Variants in POLR2M observed in about 807,000 individuals in gnomAD.
POLR2M encodes protein GRINL1A.
Under a neutral mutation model 34.6 loss-of-function variants are expected in POLR2M, and 30 were observed. The observed-to-expected ratio is 0.87, with a 90% CI of 0.65 to 1.18. The LOEUF (loss-of-function observed/expected upper bound fraction) is 1.18. Ranked by LOEUF, POLR2M falls within the 50% of genes most tolerant of loss-of-function variation. The pLI is 0.00. For synonymous variants in POLR2M, 150 were observed against 166.7 expected, an observed-to-expected ratio of 0.90 and a Z score of 0.77; for missense variants, 432 against 448.7, an observed-to-expected ratio of 0.96 and a Z score of 0.34.
Position 57,712,102 on chromosome 15 carries a change from C to T in POLR2M, c.877C>T (p.Leu293Phe). Residue 293 changes from leucine to phenylalanine, a missense_variant, in exon 3 of 4, where the codon CTT becomes TTT. Transcript: ENST00000299638. ...QHLDDITAAR[L>F]LPLHHMPTQL... ...TCTTGATGACATCACAGCAGCTCGG[C>T]TTCTACCACTTCACCATATGCCCAC... 1 of 1,614,216 alleles carries T rather than the reference C, an allele frequency of 6.2e-7. No homozygotes were observed. Among genetic ancestry groups the T allele is most frequent in the Non-Finnish European group, 8.5e-7 (1 of 1,180,040 alleles).
Position 57,712,017 on chromosome 15 carries a change from T to C in POLR2M, c.792T>C (p.His264=), listed in dbSNP as rs2040741293. 6.2e-7 allele frequency: 1 copy of C among 1,613,928 alleles called. No homozygotes were observed. The highest frequency in any genetic ancestry group is 1.3e-5 in the African/African-American group (1 of 74,928). Residue 264 remains histidine, a synonymous_variant, in exon 3 of 4, where the codon CAT becomes CAC. Coordinates refer to ENST00000299638, the MANE Select transcript of POLR2M (RefSeq NM_015532.5). ...LPFRQNDSSS[H]CQKSGSPISS... Reference sequence around the variant, plus strand: ...TTCGACAAAATGATTCATCTAGTCATTGCCAGAAGAGTGGGTCTCCTATTT... The same window carrying C: ...TTCGACAAAATGATTCATCTAGTCACTGCCAGAAGAGTGGGTCTCCTATTT...
intron 1 of POLR2M, chr15:57,707,522 A>G (rs1414929467): frequency 6.3e-6 from 3 of 476,488 alleles, no homozygotes; most frequent in South Asian, 3.1e-5. Context: ...AAAAAGCAGA[A>G]GACAGTAGAA....
Position 57,715,696 on chromosome 15 carries a change from A to G in POLR2M, c.*1017A>G, listed in dbSNP as rs1362772578. ...TATATAAACGTTCATGTCATTTTAG[A>G]GGATTATATGGTTGTCTCCAGAGAA... On this transcript the variant is annotated 3_prime_UTR_variant, in exon 4 of 4. Transcript: ENST00000299638. 6.6e-6 allele frequency: 1 copy of G among 152,184 alleles called. No homozygotes were observed. The highest frequency in any genetic ancestry group is 1.5e-5 in the Non-Finnish European group (1 of 68,042). The allele number at this position is 152,184 out of a possible 1,614,324, so 9.4% of individuals were successfully genotyped here. A position where few individuals can be genotyped will look rare whatever the true frequency, so the allele number is the denominator to read the frequency against.
At chr15:57,712,390 A>G (rs1426682555) in intron 3 of POLR2M, among the ~76,000 whole-genome samples, 1 of 152,212 alleles carries the variant, frequency 6.6e-6, no homozygotes, top group Non-Finnish European at 1.5e-5. Flanking sequence ...GCTACCTTCA[A>G]CATTAAAGTG....
chr15:57,708,187 A>T (rs1337594303), intron 1 of POLR2M, among the ~76,000 whole-genome samples: 1 of 152,246 alleles, frequency 6.6e-6, no homozygotes, highest in Non-Finnish European at 1.5e-5. Flanking sequence ...ACTTATCAGA[A>T]ATACGTCTGA....
At position 57,716,526 on chromosome 15, in the gene POLR2M, T is replaced by A. The variant is rs1476617915; in HGVS notation, c.*1847T>A. The A allele has an allele frequency of 1.3e-5, 2 of 152,412 alleles. No individual in the cohort carries two copies. Among genetic ancestry groups the A allele is most frequent in the East Asian group, 3.8e-4 (2 of 5,196 alleles). 9.4% of individuals were successfully genotyped at this position (152,412 alleles called of 1,614,324 possible). On this transcript the variant is annotated 3_prime_UTR_variant, in exon 4 of 4. Coordinates refer to ENST00000299638, the MANE Select transcript of POLR2M (RefSeq NM_015532.5). ...TAGCAATATATCCAATGCTCAGAATTGAAAATTACTACTTAAAATCTTTGC... is the reference window on the plus strand; with the variant it reads ...TAGCAATATATCCAATGCTCAGAATAGAAAATTACTACTTAAAATCTTTGC...
intron 3 of POLR2M, among the ~76,000 whole-genome samples, chr15:57,713,226 A>G (rs1385821494): frequency 6.6e-6 from 1 of 151,438 alleles, no homozygotes; most frequent in Non-Finnish European, 1.5e-5. Flanking sequence ...ACAGGCTGTT[A>G]ATCTGCTTTG....
At position 57,712,273 on chromosome 15, in the gene POLR2M, A is replaced by G. The variant is rs968337397; in HGVS notation, c.963+85A>G. 52 of 1,504,376 alleles carry G rather than the reference A, an allele frequency of 3.5e-5. 1 individual carries two copies. The East Asian group carries it at 5.3e-4, about 15-fold the overall frequency. The allele number at this position is 1,504,376 out of a possible 1,614,324, so 93.2% of individuals were successfully genotyped here. A position where few individuals can be genotyped will look rare whatever the true frequency, so the allele number is the denominator to read the frequency against. ...TTACTCCAGGTTCAAGGAGGAAGGA[A>G]TGGAATAGAGGGGATTAGGTGCTTC... On this transcript the variant is annotated intron_variant, in intron 3 of 3. Coordinates refer to ENST00000299638, the MANE Select transcript of POLR2M (RefSeq NM_015532.5).
intron 1 of POLR2M, chr15:57,707,285 T>G: frequency 2.5e-6 from 2 of 792,464 alleles, no homozygotes; most frequent in East Asian, 2.7e-5. Context: ...CCCGCACCCC[T>G]AACCCATAAC....
Position 57,709,210 on chromosome 15 carries a change from C to T in POLR2M, c.610C>T (p.Gln204Ter). ...GTTACAGAGGATCACCATTGCGGACCAAGGTGAACAACAGTCAGAAGAAAA... is the reference window on the plus strand; with the variant it reads ...GTTACAGAGGATCACCATTGCGGACTAAGGTGAACAACAGTCAGAAGAAAA... The part of the protein sequence containing the change: ...DRLQRITIAD[Q>*]GEQQSEENAS... Residue 204 changes from glutamine (Q) to a stop codon, truncating the protein, a stop_gained, in exon 2 of 4, where the codon CAA (glutamine) becomes TAA (stop). Transcript: ENST00000299638. LOFTEE classifies it high-confidence loss of function. The T allele has an allele frequency of 6.2e-7, 1 of 1,614,116 alleles. No homozygotes were observed. Among genetic ancestry groups the T allele is most frequent in the South Asian group, 1.1e-5 (1 of 91,080 alleles).
intron 3 of POLR2M, among the ~76,000 whole-genome samples, chr15:57,714,009 G>T (rs2140839297): frequency 6.6e-6 from 1 of 151,468 alleles, no homozygotes; most frequent in African/African-American, 2.4e-5. Flanking sequence ...CACCACGCCC[G>T]GCTAATTTTT....
intron 1 of POLR2M, 108 bp from the exon 2 acceptor site, chr15:57,708,606 T>C: frequency 9.3e-7 from 1 of 1,078,144 alleles, no homozygotes; most frequent in Non-Finnish European, 1.3e-6. Context: ...GATATTTGAC[T>C]TAAAAATCAG....
intron 2 of POLR2M, among the ~76,000 whole-genome samples, chr15:57,709,857 CTT>C (rs1454071789): frequency 3.3e-5 from 5 of 152,070 alleles, no homozygotes; most frequent in Admixed American, 1.3e-4. Context: ...AGTGTACTCT[CTT>C]TGATTAGTCT....
rs1454521510 is a variant in POLR2M, at chr15:57,716,941, T to TAAA, written c.*2264_*2266dup. On this transcript the variant is annotated 3_prime_UTR_variant, in exon 4 of 4. Transcript: ENST00000299638. ...CTTATTTCACTTTTACACCTATCTTTAAAAGGAATTTAAATTTTGTTTATA... is the reference window on the plus strand; with the variant it reads ...CTTATTTCACTTTTACACCTATCTTTAAAAAAAGGAATTTAAATTTTGTTTATA... The TAAA allele has an allele frequency of 6.6e-6, 1 of 152,098 alleles. No individual in the cohort carries two copies. The highest frequency in any genetic ancestry group is 1.5e-5 in the Non-Finnish European group (1 of 68,014). The allele number at this position is 152,098 out of a possible 1,614,324, so 9.4% of individuals were successfully genotyped here. A position where few individuals can be genotyped will look rare whatever the true frequency, so the allele number is the denominator to read the frequency against.
chr15:57,713,282 C>G lies in POLR2M; in HGVS notation c.963+1094C>G, dbSNP rs148047018. 5.5e-3 allele frequency among the ~76,000 whole-genome samples: 839 copies of G among 151,818 alleles called. 6 individuals carry two copies. The highest frequency in any genetic ancestry group is 8.3e-3 in the Non-Finnish European group (562 of 67,956). On this transcript the variant is annotated intron_variant, in intron 3 of 3. Transcript: ENST00000299638. Reference sequence around the variant, plus strand: ...CATGGATTGGCATTATCAAGGTGCTCTTTTTGAAAAAAACCATTTTTCTTT... The same window carrying G: ...CATGGATTGGCATTATCAAGGTGCTGTTTTTGAAAAAAACCATTTTTCTTT...
At position 57,717,033 on chromosome 15, in the gene POLR2M, G is replaced by A. The variant is rs1363422555; in HGVS notation, c.*2354G>A. On this transcript the variant is annotated 3_prime_UTR_variant, in exon 4 of 4. Transcript: ENST00000299638. ...TTTTTAATCCATCTCAAATGTATTT[G>A]GTTATATTATATAAGGTAGGGATTT... 6.6e-6 allele frequency: 1 copy of A among 152,016 alleles called. No individual in the cohort carries two copies. Among genetic ancestry groups the A allele is most frequent in the Non-Finnish European group, 1.5e-5 (1 of 67,994 alleles). The allele number at this position is 152,016 out of a possible 1,614,324, so 9.4% of individuals were successfully genotyped here. A position where few individuals can be genotyped will look rare whatever the true frequency, so the allele number is the denominator to read the frequency against.
chr15:57,709,476 A>G, intron 2 of POLR2M, 118 bp downstream of exon 2: 1 of 1,217,244 alleles, frequency 8.2e-7, no homozygotes, highest in Non-Finnish European at 1.1e-6. Context: ...CAGGAGGCTG[A>G]GGTGGGAAGA....
chr15:57,711,754 A>C (rs1397155632), intron 2 of POLR2M, among the ~76,000 whole-genome samples: 1 of 152,040 alleles, frequency 6.6e-6, no homozygotes, highest in Non-Finnish European at 1.5e-5. Flanking sequence ...TGAAAAAAAA[A>C]AAAAAAACTC....
In POLR2M at chr15:57,708,869, C is replaced by A. The variant is rs533268199; in HGVS notation, c.269C>A (p.Ala90Glu). 6.2e-7 allele frequency: 1 copy of A among 1,613,990 alleles called. No homozygotes were observed. The highest frequency in any genetic ancestry group is 1.3e-5 in the African/African-American group (1 of 75,032). ...TGTAAGCTAAGGCAAAAAGCAATTG[C>A]AGAAGTTGATGTGGGTACAGATAAG... is the stretch of plus-strand genomic sequence containing the variant. ...LDCKLRQKAI[A>E]EVDVGTDKAQ... The change falls in exon 2 of 4, where the codon GCA becomes GAA. Residue 90 changes from alanine to glutamate, a missense_variant. Physicochemically the swap from Ala to Glu is moderately radical, Grantham distance 107. Transcript: ENST00000299638.
Sources: allele counts gnomAD v4.1 joint callset (sites outside exome capture counted in the v4.1 genomes callset), GRCh38; gene constraint gnomAD v4.1.1; transcripts MANE v1.5; gene names NCBI Gene and HGNC (gene_info 2026-07-23, HGNC 2026-07-21).